Variants in RFTN2 observed in about 807,000 individuals in gnomAD.
RFTN2 encodes raftlin-2.
Under a neutral mutation model 52.7 loss-of-function variants are expected in RFTN2, and 34 were observed. The observed-to-expected ratio is 0.64, with a 90% CI of 0.49 to 0.86. The LOEUF is 0.86. Ranked by LOEUF, RFTN2 falls within the 40% of genes least tolerant of loss-of-function variation. RFTN2 has a pLI of 0.00. For synonymous variants in RFTN2, 203 were observed against 217.7 expected, an observed-to-expected ratio of 0.93 and a Z score of 0.59; for missense variants, 536 against 600.1, an observed-to-expected ratio of 0.89 and a Z score of 1.12.
At chr2:197,650,534 CT>C (rs1354937972) in intron 1 of RFTN2, among the ~76,000 whole-genome samples, 5 of 152,164 alleles carry the variant, frequency 3.3e-5, no homozygotes, top group African/African-American at 1.2e-4. Flanking sequence ...TTCCTCGTAT[CT>C]TTACAACACT....
At chr2:197,622,081 T>G (rs1248968303) in intron 5 of RFTN2, among the ~76,000 whole-genome samples, 2 of 152,194 alleles carry the variant, frequency 1.3e-5, no homozygotes, top group Non-Finnish European at 2.9e-5. Context: ...ATCCTAACTC[T>G]CTTCCATTCT....
At chr2:197,590,281 T>G (rs538402609) in intron 8 of RFTN2, among the ~76,000 whole-genome samples, 2 of 152,290 alleles carry the variant, frequency 1.3e-5, no homozygotes, top group South Asian at 4.1e-4. Flanking sequence ...CTAGTTTAAC[T>G]AAAATGAATT....
intron 8 of RFTN2, among the ~76,000 whole-genome samples, chr2:197,580,158 G>A (rs1017407087): frequency 1.1e-4 from 17 of 151,790 alleles, no homozygotes; most frequent in South Asian, 6.2e-4. Flanking sequence ...TACCCGATCC[G>A]CTCCCGACAT....
At chr2:197,652,825 A>G (rs2088843100) in intron 1 of RFTN2, among the ~76,000 whole-genome samples, 2 of 152,200 alleles carry the variant, frequency 1.3e-5, no homozygotes, top group South Asian at 4.1e-4. Flanking sequence ...GTCTAAGTTC[A>G]AAACACAGAG....
intron 1 of RFTN2, among the ~76,000 whole-genome samples, chr2:197,665,051 G>A (rs935196466): frequency 7.2e-5 from 11 of 152,102 alleles, no homozygotes; most frequent in African/African-American, 2.7e-4. Context: ...GGCACTATGC[G>A]CACTACCTGG....
At chr2:197,642,335 A>G (rs1265007687) in intron 3 of RFTN2, among the ~76,000 whole-genome samples, 1 of 152,232 alleles carries the variant, frequency 6.6e-6, no homozygotes, top group Non-Finnish European at 1.5e-5. Flanking sequence ...AAATATGTCA[A>G]TGCAGTGGAA....
chr2:197,665,517 C>CTTTTTTTTTTTTT lies in RFTN2; in HGVS notation c.139+9790_139+9802dup. Among the ~76,000 whole-genome samples, 83 of 41,436 alleles carry CTTTTTTTTTTTTT rather than the reference C, an allele frequency of 2.0e-3. 5 individuals are homozygous for CTTTTTTTTTTTTT. The highest frequency in any genetic ancestry group is 8.8e-3 in the African/African-American group (62 of 7,050). 27.2% of individuals were successfully genotyped at this position (41,436 alleles called of 152,430 possible). A position where few individuals can be genotyped will look rare whatever the true frequency, so the allele number is the denominator to read the frequency against. On this transcript the variant is annotated intron_variant, in intron 1 of 8. Transcript: ENST00000295049. ...ATTCCTTTATCATTATGTACCTTGCCTTTTTTTTTTTTTTTTACTGTTTTC... is the reference window on the plus strand; with the variant it reads ...ATTCCTTTATCATTATGTACCTTGCCTTTTTTTTTTTTTTTTTTTTTTTTTTTTTACTGTTTTC...
At chr2:197,669,185 A>T (rs1028941924) in intron 1 of RFTN2, among the ~76,000 whole-genome samples, 2 of 152,248 alleles carry the variant, frequency 1.3e-5, no homozygotes, top group Non-Finnish European at 2.9e-5. Context: ...AGGCAGATAT[A>T]TGAAGGACCA....
At chr2:197,641,626 G>A (rs1053631817) in intron 3 of RFTN2, among the ~76,000 whole-genome samples, 1 of 152,102 alleles carries the variant, frequency 6.6e-6, no homozygotes, top group Non-Finnish European at 1.5e-5. Flanking sequence ...TTTTTAAAAT[G>A]TTATTTTTAG....
chr2:197,637,941 T>C (rs1384157315), intron 3 of RFTN2, among the ~76,000 whole-genome samples: 1 of 151,246 alleles, frequency 6.6e-6, no homozygotes, highest in Non-Finnish European at 1.5e-5. Context: ...ATGTTGTGTC[T>C]TTGTTCTCGT....
intron 3 of RFTN2, among the ~76,000 whole-genome samples, chr2:197,637,328 C>A (rs906721628): frequency 1.3e-5 from 2 of 152,118 alleles, no homozygotes; most frequent in Non-Finnish European, 2.9e-5. Context: ...CCAGTTGTTC[C>A]TTGTACCTCT....
chr2:197,570,797 A>T lies in RFTN2; in HGVS notation c.*1211T>A, dbSNP rs969457577. On this transcript the variant is annotated 3_prime_UTR_variant, in exon 9 of 9. Transcript: ENST00000295049. ...AATATTTGTGTTCAATAAAACAATA[A>T]CACAATAAAAATGATGTTTTATTAT... The T allele has an allele frequency of 6.6e-6, 1 of 152,218 alleles. No homozygotes were observed. Among genetic ancestry groups the T allele is most frequent in the African/African-American group, 2.4e-5 (1 of 41,448 alleles). 9.4% of individuals were successfully genotyped at this position (152,218 alleles called of 1,614,324 possible).
At chr2:197,623,441 T>G (rs781461372) in intron 5 of RFTN2, among the ~76,000 whole-genome samples, 1 of 152,178 alleles carries the variant, frequency 6.6e-6, no homozygotes, top group Non-Finnish European at 1.5e-5. Flanking sequence ...ATGAGTTGCT[T>G]CTTATGGATG....
rs755570148 is a variant in RFTN2 at position 197,633,797 on chromosome 2, T to G, written c.639A>C (p.Glu213Asp). Reference sequence around the variant, plus strand: ...ACTGTCCACTTTCATGATGAAGTTCTTCCTCAATTCCGCTTTCAGATGACT... The same window carrying G: ...ACTGTCCACTTTCATGATGAAGTTCGTCCTCAATTCCGCTTTCAGATGACT... Reference protein sequence around the residue: ...SGQSSESGIEEELHHESGQYQ... With the variant: ...SGQSSESGIEDELHHESGQYQ... Residue 213 changes from glutamate to aspartate, a missense_variant, in exon 4 of 9, where the codon GAA becomes GAC. Coordinates refer to ENST00000295049, the MANE Select transcript of RFTN2 (RefSeq NM_144629.3). The G allele has an allele frequency of 7.4e-6, 12 of 1,613,918 alleles. No homozygotes were observed. The Admixed American group carries it at 2.0e-4, about 27-fold the overall frequency.
intron 7 of RFTN2, among the ~76,000 whole-genome samples, chr2:197,601,664 TTA>T (rs1372547225): frequency 5.3e-5 from 8 of 152,106 alleles, no homozygotes; most frequent in African/African-American, 1.9e-4. Context: ...CTAGAAAACT[TTA>T]TAATTAGTGG....
At chr2:197,658,703 A>G (rs2088929782) in intron 1 of RFTN2, among the ~76,000 whole-genome samples, 1 of 152,122 alleles carries the variant, frequency 6.6e-6, no homozygotes, top group Non-Finnish European at 1.5e-5. Context: ...TAGCTCCCCA[A>G]CCACCAGCAG....
intron 7 of RFTN2, among the ~76,000 whole-genome samples, chr2:197,598,297 G>A (rs2106190196): frequency 6.6e-6 from 1 of 152,180 alleles, no homozygotes; most frequent in Middle Eastern, 3.4e-3. Flanking sequence ...TCTACCATGG[G>A]TGACAGAAAG....
At chr2:197,614,839 T>A (rs2088116262) in intron 7 of RFTN2, among the ~76,000 whole-genome samples, 1 of 152,240 alleles carries the variant, frequency 6.6e-6, no homozygotes, top group African/African-American at 2.4e-5. Flanking sequence ...GACAGATATG[T>A]CACAGAGTAC....
intron 7 of RFTN2, among the ~76,000 whole-genome samples, chr2:197,604,759 T>C (rs2087932340): frequency 6.6e-6 from 1 of 151,756 alleles, no homozygotes; most frequent in African/African-American, 2.4e-5. Context: ...TATTTATTTA[T>C]TTATTTATTT....
Sources: gnomAD v4.1 joint callset for allele counts (sites outside exome capture counted in the v4.1 genomes callset) on GRCh38, gnomAD v4.1.1 for gene constraint, MANE v1.5 for transcripts, NCBI Gene and HGNC (gene_info 2026-07-23, HGNC 2026-07-21) for gene names.